C1orf21: variants seen among roughly 807,000 people sequenced by gnomAD.
The protein encoded by C1orf21 is chromosome 1 open reading frame 21.
A neutral mutation model predicts 18.7 loss-of-function variants in C1orf21; 3 were observed. The observed-to-expected ratio is 0.16, with a 90% CI of 0.07 to 0.42. The LOEUF is 0.42. C1orf21 is among the 10% of genes least tolerant of loss of function. The pLI is 0.99. For missense variants in C1orf21, 104 were observed against 143.6 expected, an observed-to-expected ratio of 0.72 and a Z score of 1.41; for synonymous variants, 41 against 46.4, an observed-to-expected ratio of 0.88 and a Z score of 0.47.
chr1:184,484,299 G>C (rs1475662911), intron 2 of C1orf21, among the ~76,000 whole-genome samples: 1 of 152,036 alleles, frequency 6.6e-6, no homozygotes, highest in Non-Finnish European at 1.5e-5. Flanking sequence ...CATCTTCGCT[G>C]CTCTAGGCCC....
intron 1 of C1orf21, among the ~76,000 whole-genome samples, chr1:184,426,469 C>T (rs1267501901): frequency 6.6e-6 from 1 of 152,162 alleles, no homozygotes. Flanking sequence ...ACCCACCCAC[C>T]TCTCTCTGGG....
At chr1:184,599,536 T>A (rs1057452376) in intron 5 of C1orf21, 11 of 152,190 alleles carry the variant, frequency 7.2e-5, no homozygotes, top group African/African-American at 2.7e-4. Context: ...AGATGGATAA[T>A]GAATTAAAAT....
intron 1 of C1orf21, among the ~76,000 whole-genome samples, chr1:184,402,823 C>T (rs1016845034): frequency 1.3e-5 from 2 of 152,210 alleles, no homozygotes; most frequent in Non-Finnish European, 2.9e-5. Flanking sequence ...GACGCCATTT[C>T]GCGTCTACCA....
At position 184,445,009 on chromosome 1, in the gene C1orf21, T is replaced by G. The variant is rs143137452; in HGVS notation, c.-124-32377T>G. 2.8e-3 allele frequency among the ~76,000 whole-genome samples: 422 copies of G among 152,338 alleles called. 3 individuals are homozygous for G. The highest frequency in any genetic ancestry group is 0.02 in the Middle Eastern group (6 of 294). On this transcript the variant is annotated intron_variant, in intron 1 of 5. Coordinates refer to ENST00000235307, the MANE Select transcript of C1orf21 (RefSeq NM_030806.4). ...ACTTGTGCTGTAATATTATATGTGA[T>G]GCAATATGGGAAAATAGCAAGATGG...
chr1:184,588,607 G>A (rs1017248823), intron 3 of C1orf21, among the ~76,000 whole-genome samples: 1 of 152,018 alleles, frequency 6.6e-6, no homozygotes, highest in Non-Finnish European at 1.5e-5. Flanking sequence ...GATAATAATG[G>A]TACCCAACCG....
chr1:184,586,090 G>A (rs1226628305), intron 3 of C1orf21, among the ~76,000 whole-genome samples: 1 of 152,112 alleles, frequency 6.6e-6, no homozygotes, highest in Non-Finnish European at 1.5e-5. Flanking sequence ...TACCAACAGT[G>A]TATAAGTCCA....
intron 1 of C1orf21, among the ~76,000 whole-genome samples, chr1:184,394,008 T>G (rs1656010998): frequency 6.6e-6 from 1 of 152,212 alleles, no homozygotes; most frequent in South Asian, 2.1e-4. Context: ...GTTGGTTTCC[T>G]CTATAAGTTT....
At chr1:184,526,362 G>A (rs1216408057) in intron 3 of C1orf21, among the ~76,000 whole-genome samples, 1 of 152,122 alleles carries the variant, frequency 6.6e-6, no homozygotes, top group Non-Finnish European at 1.5e-5. Flanking sequence ...ACATCCCCTA[G>A]AAAATATTTT....
intron 3 of C1orf21, among the ~76,000 whole-genome samples, chr1:184,522,950 A>G (rs1356035020): frequency 6.6e-6 from 1 of 152,192 alleles, no homozygotes; most frequent in Non-Finnish European, 1.5e-5. Flanking sequence ...GGCCTCCCAA[A>G]GTGCTGGGAT....
chr1:184,460,295 C>T (rs1029281523), intron 1 of C1orf21, among the ~76,000 whole-genome samples: 3 of 152,160 alleles, frequency 2.0e-5, no homozygotes, highest in Non-Finnish European at 4.4e-5. Flanking sequence ...AGCAACTGCT[C>T]CCATTGTCAG....
At chr1:184,526,978 A>G (rs1658386442) in intron 3 of C1orf21, among the ~76,000 whole-genome samples, 1 of 152,194 alleles carries the variant, frequency 6.6e-6, no homozygotes, top group Admixed American at 6.5e-5. Context: ...GAAGTATGCT[A>G]ATGGGCCTAA....
At chr1:184,514,748 C>T (rs147570829) in intron 3 of C1orf21, among the ~76,000 whole-genome samples, 11 of 152,006 alleles carry the variant, frequency 7.2e-5, no homozygotes, top group African/African-American at 2.4e-4. Context: ...CTTGTCGATA[C>T]GAGAATAATA....
intron 1 of C1orf21, among the ~76,000 whole-genome samples, chr1:184,447,992 T>C (rs1481199792): frequency 2.6e-5 from 4 of 152,220 alleles, no homozygotes; most frequent in Non-Finnish European, 4.4e-5. Flanking sequence ...ACTTTGCTTA[T>C]ATATTCATTC....
chr1:184,623,610 C>G lies in C1orf21; in HGVS notation c.*4054C>G, dbSNP rs1659959203. 2.0e-5 allele frequency: 3 copies of G among 152,502 alleles called. No individual in the cohort carries two copies. The South Asian group carries it at 6.2e-4, about 32-fold the overall frequency. The allele number at this position is 152,502 out of a possible 1,614,324, so 9.4% of individuals were successfully genotyped here. A position where few individuals can be genotyped will look rare whatever the true frequency, so the allele number is the denominator to read the frequency against. ...ATGGTGTCATGGGTGGATGCCTGGA[C>G]TCCAGTGTGCCTGTGAGGGGCTGGG... On this transcript the variant is annotated 3_prime_UTR_variant, in exon 6 of 6. Coordinates refer to ENST00000235307, the MANE Select transcript of C1orf21 (RefSeq NM_030806.4).
intron 3 of C1orf21, among the ~76,000 whole-genome samples, chr1:184,536,834 T>C (rs749580997): frequency 7.8e-6 from 1 of 128,884 alleles, no homozygotes; most frequent in South Asian, 2.4e-4. Context: ...TCTGATGGAG[T>C]GTATTCTTTT....
chr1:184,508,506 GT>G (rs1383030656), intron 3 of C1orf21, among the ~76,000 whole-genome samples: 1 of 151,906 alleles, frequency 6.6e-6, no homozygotes, highest in Non-Finnish European at 1.5e-5. Context: ...ACTTAAACTC[GT>G]TTTTTTATAA....
intron 1 of C1orf21, among the ~76,000 whole-genome samples, chr1:184,461,550 T>TGGG (rs1657307743): frequency 6.6e-6 from 1 of 152,198 alleles, no homozygotes; most frequent in African/African-American, 2.4e-5. Context: ...GTCTGGCTGC[T>TGGG]GCATTTCCTG....
At chr1:184,503,870 T>C (rs1042462706) in intron 2 of C1orf21, among the ~76,000 whole-genome samples, 2 of 152,134 alleles carry the variant, frequency 1.3e-5, no homozygotes, top group Non-Finnish European at 2.9e-5. Flanking sequence ...GTTTGGCATG[T>C]CAGGATTATT....
At chr1:184,567,519 C>T (rs1329793773) in intron 3 of C1orf21, 14 of 530,188 alleles carry the variant, frequency 2.6e-5, no homozygotes, top group Middle Eastern at 5.9e-4. Context: ...AACTCTAACA[C>T]CATCCTCCTT....
Sources: allele counts gnomAD v4.1 joint callset (sites outside exome capture counted in the v4.1 genomes callset), GRCh38; gene constraint gnomAD v4.1.1; transcripts MANE v1.5; gene names NCBI Gene and HGNC (gene_info 2026-07-23, HGNC 2026-07-21).